Variants in NEK7 observed in about 807,000 individuals in gnomAD.
NEK7 encodes serine/threonine-protein kinase Nek7.
In NEK7, 18 loss-of-function variants were observed where a neutral mutation model predicts 44.6. The ratio of observed to expected loss-of-function variants is 0.40; its 90% CI spans 0.28 to 0.60. The LOEUF (loss-of-function observed/expected upper bound fraction) is 0.60, where lower values mean the gene tolerates loss of function less well. Among genes scored for constraint, NEK7 ranks in the 20% least tolerant of loss-of-function variants. NEK7 has a pLI of 0.38. For missense variants in NEK7, 256 were observed against 366.5 expected, an observed-to-expected ratio of 0.70 and a Z score of 2.46; for synonymous variants, 130 against 121.1, an observed-to-expected ratio of 1.07 and a Z score of -0.48.
intron 1 of NEK7, among the ~76,000 whole-genome samples, chr1:198,230,153 C>G (rs1301699038): frequency 6.6e-6 from 1 of 152,098 alleles, no homozygotes; most frequent in African/African-American, 2.4e-5. Context: ...GGGTCTTTGA[C>G]CAGGAAACTT....
At chr1:198,163,326 C>A (rs1453420601) in intron 1 of NEK7, among the ~76,000 whole-genome samples, 1 of 151,804 alleles carries the variant, frequency 6.6e-6, no homozygotes, top group Admixed American at 6.6e-5. Flanking sequence ...GACCCTGTCA[C>A]TACAAAAAAT....
intron 1 of NEK7, among the ~76,000 whole-genome samples, chr1:198,161,088 GT>G (rs1364346222): frequency 6.6e-6 from 1 of 152,184 alleles, no homozygotes; most frequent in Non-Finnish European, 1.5e-5. Flanking sequence ...GAGTGGTTTT[GT>G]TGTAATAGCT....
rs71133918 is a variant in NEK7 at position 198,178,686 on chromosome 1, T to TTTG, written c.-29+21436_-29+21438dup. On this transcript the variant is annotated intron_variant, in intron 1 of 9. Transcript: ENST00000367385. ...TTCATGGACCCTCTCCCTGCCATTT[T>TTTG]TTGTTGTTGTTGTTGTTGTTGTTGT... 1.6e-3 allele frequency among the ~76,000 whole-genome samples: 239 copies of TTTG among 151,756 alleles called. No homozygotes were observed. In the East Asian group the frequency reaches 0.02, roughly 13 times the overall value.
At chr1:198,256,245 C>A (rs1653259252) in intron 3 of NEK7, 1 of 1,403,020 alleles carries the variant, frequency 7.1e-7, no homozygotes. Context: ...TAAGGCCCTT[C>A]CCTACTTTGT....
At chr1:198,159,672 A>G (rs1000840408) in intron 1 of NEK7, among the ~76,000 whole-genome samples, 2 of 152,216 alleles carry the variant, frequency 1.3e-5, no homozygotes, top group Admixed American at 6.5e-5. Flanking sequence ...TAATACATGT[A>G]GCACCCACCA....
chr1:198,241,419 GT>G (rs1245010519), intron 2 of NEK7, among the ~76,000 whole-genome samples: 1 of 152,186 alleles, frequency 6.6e-6, no homozygotes, highest in Non-Finnish European at 1.5e-5. Context: ...AGGAGGAGGA[GT>G]TTCTAGTACA....
intron 7 of NEK7, among the ~76,000 whole-genome samples, chr1:198,291,742 A>G (rs1339741380): frequency 6.6e-6 from 1 of 152,140 alleles, no homozygotes; most frequent in African/African-American, 2.4e-5. Flanking sequence ...CGATACAGGT[A>G]GGATATCATG....
chr1:198,264,272 GTT>G (rs370944444), intron 5 of NEK7, 37 bp downstream of exon 5: 1 of 1,417,200 alleles, frequency 7.1e-7, no homozygotes, highest in South Asian at 1.3e-5. Flanking sequence ...GTTTTGTTTT[GTT>G]TTTTTTTCTA....
intron 9 of NEK7, among the ~76,000 whole-genome samples, chr1:198,315,274 A>G (rs1445031702): frequency 2.0e-5 from 3 of 152,186 alleles, no homozygotes; most frequent in Non-Finnish European, 4.4e-5. Context: ...GAGTGAGGCA[A>G]TGCCTCGCCC....
intron 9 of NEK7, among the ~76,000 whole-genome samples, chr1:198,308,778 TCA>T (rs897486312): frequency 4.3e-4 from 66 of 152,324 alleles, no homozygotes; most frequent in African/African-American, 1.6e-3. Context: ...GCCATTGCTT[TCA>T]CACACATCAT....
At chr1:198,189,278 C>T (rs1040832070) in intron 1 of NEK7, among the ~76,000 whole-genome samples, 4 of 152,014 alleles carry the variant, frequency 2.6e-5, no homozygotes, top group South Asian at 2.1e-4. Flanking sequence ...ATTTTCATGT[C>T]GTAAGTCCCT....
At chr1:198,307,111 C>A (rs966360056) in intron 9 of NEK7, among the ~76,000 whole-genome samples, 3 of 152,052 alleles carry the variant, frequency 2.0e-5, no homozygotes, top group Non-Finnish European at 4.4e-5. Context: ...GATTGAGATT[C>A]TCATTTAGTT....
At chr1:198,243,774 T>G (rs2102899684) in intron 2 of NEK7, among the ~76,000 whole-genome samples, 1 of 152,290 alleles carries the variant, frequency 6.6e-6, no homozygotes, top group Non-Finnish European at 1.5e-5. Flanking sequence ...TCTCTGACAC[T>G]TAACGAAACT....
intron 7 of NEK7, among the ~76,000 whole-genome samples, chr1:198,292,143 C>A (rs1282275784): frequency 2.0e-5 from 3 of 151,968 alleles, no homozygotes; most frequent in Admixed American, 2.0e-4. Context: ...TAAAGATACT[C>A]ACTTTGAAAG....
intron 7 of NEK7, 60 bp downstream of exon 7, chr1:198,279,121 A>C: frequency 9.8e-7 from 1 of 1,018,216 alleles, no homozygotes; most frequent in Non-Finnish European, 1.5e-6. Flanking sequence ...AAAAGATAAG[A>C]GGTATACCAA....
intron 2 of NEK7, among the ~76,000 whole-genome samples, chr1:198,248,631 G>C (rs1267721974): frequency 6.6e-6 from 1 of 152,070 alleles, no homozygotes; most frequent in African/African-American, 2.4e-5. Flanking sequence ...CTTGACACTG[G>C]ACATATTCTT....
At chr1:198,313,871 A>G (rs1655267697) in intron 9 of NEK7, among the ~76,000 whole-genome samples, 1 of 151,534 alleles carries the variant, frequency 6.6e-6, no homozygotes, top group Non-Finnish European at 1.5e-5. Context: ...TGCCCCTAAC[A>G]TTTTTTCCTT....
At chr1:198,276,923 CAAGTA>C (rs1280128740) in intron 5 of NEK7, among the ~76,000 whole-genome samples, 1 of 151,606 alleles carries the variant, frequency 6.6e-6, no homozygotes, top group Non-Finnish European at 1.5e-5. Context: ...AGAATTTTCT[CAAGTA>C]TAGTTCCTCC....
intron 7 of NEK7, among the ~76,000 whole-genome samples, chr1:198,282,409 A>G (rs952353846): frequency 6.6e-6 from 1 of 152,056 alleles, no homozygotes; most frequent in Non-Finnish European, 1.5e-5. Context: ...TCCCCAGTTC[A>G]TGATGTGCCA....
Sources: allele counts gnomAD v4.1 joint callset (sites outside exome capture counted in the v4.1 genomes callset), GRCh38; gene constraint gnomAD v4.1.1; transcripts MANE v1.5; gene names NCBI Gene and HGNC (gene_info 2026-07-23, HGNC 2026-07-21).